RAD51B: variants seen among roughly 807,000 people sequenced by gnomAD.
RAD51B encodes RAD51 paralog B, also known as DNA repair protein RAD51 homolog 2.
Under a neutral mutation model 42.2 loss-of-function variants are expected in RAD51B, and 38 were observed. That is an observed-to-expected ratio of 0.90 (90% CI 0.70 to 1.18). The LOEUF (loss-of-function observed/expected upper bound fraction) is 1.18. Ranked by LOEUF, RAD51B falls within the 50% of genes most tolerant of loss-of-function variation. The pLI is 0.00. For missense variants in RAD51B, 373 were observed against 400.7 expected, an observed-to-expected ratio of 0.93 and a Z score of 0.59; for synonymous variants, 154 against 145.2, an observed-to-expected ratio of 1.06 and a Z score of -0.43.
intron 7 of RAD51B, among the ~76,000 whole-genome samples, chr14:68,091,567 TG>T (rs2077099954): frequency 6.6e-6 from 1 of 152,236 alleles, no homozygotes; most frequent in Non-Finnish European, 1.5e-5. Flanking sequence ...CTTGTAAATT[TG>T]TTTGAGTTCA....
intron 10 of RAD51B, among the ~76,000 whole-genome samples, chr14:68,578,533 A>AATTAGTAT (rs1890067760): frequency 6.6e-6 from 1 of 152,208 alleles, no homozygotes; most frequent in African/African-American, 2.4e-5. Context: ...CTTCCTATGC[A>AATTAGTAT]ATTAGTATAA....
At chr14:67,912,860 C>A (rs1280336498) in intron 7 of RAD51B, among the ~76,000 whole-genome samples, 1 of 152,056 alleles carries the variant, frequency 6.6e-6, no homozygotes, top group Non-Finnish European at 1.5e-5. Context: ...TGCCTGCCAC[C>A]ATGCCCGGCT....
In RAD51B at chr14:68,444,440, T is replaced by TTGTG. The variant is rs3837661; in HGVS notation, c.958-23704_958-23701dup. ...TTCCACAGGTGGAAAGAATTGTGAA[T>TTGTG]TGTGTGTGTGTGTGTGTGTGTGTGT... On this transcript the variant is annotated intron_variant, in intron 9 of 10. Coordinates refer to ENST00000471583, the MANE Select transcript of RAD51B (RefSeq NM_133510.4). Among the ~76,000 whole-genome samples, 165 of 150,270 alleles carry TTGTG rather than the reference T, an allele frequency of 1.1e-3. 1 individual carries two copies. The Middle Eastern group carries it at 0.02, about 19-fold the overall frequency.
Position 68,315,654 on chromosome 14 carries a change from T to C in RAD51B, c.853+23674T>C, listed in dbSNP as rs369833546. On this transcript the variant is annotated intron_variant, in intron 8 of 10. Transcript: ENST00000471583. ...CTCCTGCCTCAGCCTCCCGAGTAGC[T>C]GGGACTACAGGTGCCCGCCACCACG... Among the ~76,000 whole-genome samples the C allele has an allele frequency of 3.9e-5, 6 of 152,264 alleles. No individual in the cohort carries two copies. The East Asian group carries it at 7.7e-4, about 20-fold the overall frequency.
intron 7 of RAD51B, among the ~76,000 whole-genome samples, chr14:67,893,510 A>ACAC (rs1491471305): frequency 1.9e-5 from 1 of 53,882 alleles, no homozygotes; most frequent in African/African-American, 8.3e-5. Context: ...ACACACACAC[A>ACAC]AAAAAAAACA....
At chr14:68,384,586 C>T (rs1484936258) in intron 8 of RAD51B, among the ~76,000 whole-genome samples, 6 of 152,210 alleles carry the variant, frequency 3.9e-5, no homozygotes, top group Non-Finnish European at 7.3e-5. Flanking sequence ...GTAGCAGCGC[C>T]TCTCTCCACT....
chr14:68,316,186 C>T (rs960885197), intron 8 of RAD51B, among the ~76,000 whole-genome samples: 1 of 152,188 alleles, frequency 6.6e-6, no homozygotes, highest in Non-Finnish European at 1.5e-5. Flanking sequence ...CTCCAAGATA[C>T]TGCCTAGAGC....
intron 8 of RAD51B, among the ~76,000 whole-genome samples, chr14:68,356,199 G>A (rs546584036): frequency 1.2e-4 from 18 of 152,300 alleles, no homozygotes; most frequent in African/African-American, 4.1e-4. Context: ...TTGGGAGGCC[G>A]AGGTGGGCGG....
At chr14:68,664,294 A>G (rs1892990872) in intron 11 of RAD51B, among the ~76,000 whole-genome samples, 1 of 152,142 alleles carries the variant, frequency 6.6e-6, no homozygotes, top group South Asian at 2.1e-4. Context: ...CCAACCACCA[A>G]GGATGATTCC....
At chr14:68,567,651 C>G (rs935079697) in intron 10 of RAD51B, among the ~76,000 whole-genome samples, 9 of 152,198 alleles carry the variant, frequency 5.9e-5, no homozygotes, top group Admixed American at 3.3e-4. Context: ...TGTATACCTA[C>G]TTTTTATCAT....
intron 8 of RAD51B, among the ~76,000 whole-genome samples, chr14:68,345,891 C>T (rs2082668025): frequency 6.6e-6 from 1 of 152,328 alleles, no homozygotes; most frequent in Admixed American, 6.5e-5. Flanking sequence ...AACTCCTGAC[C>T]TCAAGTGATT....
At chr14:68,166,168 C>CTT (rs71129871) in intron 7 of RAD51B, among the ~76,000 whole-genome samples, 6,093 of 131,986 alleles carry the variant, frequency 0.046, 314 homozygotes, top group African/African-American at 0.12. Context: ...TATTTCTGCT[C>CTT]TTTTTTTTTT....
At chr14:68,179,831 G>A (rs1202474216) in intron 7 of RAD51B, among the ~76,000 whole-genome samples, 1 of 152,098 alleles carries the variant, frequency 6.6e-6, no homozygotes, top group Non-Finnish European at 1.5e-5. Flanking sequence ...ACATCTTTCA[G>A]GGCATCACAC....
chr14:67,919,792 C>T (rs1337390348), intron 7 of RAD51B, among the ~76,000 whole-genome samples: 1 of 152,140 alleles, frequency 6.6e-6, no homozygotes. Context: ...AATACTTTTT[C>T]TCCCCTTCAG....
In RAD51B at chr14:68,223,698, A is replaced by G. The variant is rs575066758; in HGVS notation, c.757-68186A>G. 4.1e-5 allele frequency among the ~76,000 whole-genome samples: 6 copies of G among 146,484 alleles called. No homozygotes were observed. In the South Asian group the frequency reaches 1.1e-3, roughly 26 times the overall value. On this transcript the variant is annotated intron_variant, in intron 7 of 10. Transcript: ENST00000471583. ...TTTTTAAAATATTTTTTAAAAGGAA[A>G]GAAAAGAAAATCCTACCTTATGAAA... is the stretch of plus-strand genomic sequence containing the variant.
At chr14:67,848,405 G>A (rs1173220925) in intron 4 of RAD51B, among the ~76,000 whole-genome samples, 1 of 152,100 alleles carries the variant, frequency 6.6e-6, no homozygotes, top group Non-Finnish European at 1.5e-5. Context: ...TATAAGAATA[G>A]TGACTTCTGC....
chr14:68,500,366 A>G (rs1402013854), intron 10 of RAD51B, among the ~76,000 whole-genome samples: 4 of 152,246 alleles, frequency 2.6e-5, no homozygotes, highest in Non-Finnish European at 4.4e-5. Context: ...AATCTGCTCA[A>G]GGTCATTTGG....
chr14:68,484,506 C>T (rs1883472388), intron 10 of RAD51B, among the ~76,000 whole-genome samples: 2 of 151,916 alleles, frequency 1.3e-5, no homozygotes, highest in South Asian at 2.1e-4. Context: ...TACAGGCGCC[C>T]ACCACCACGC....
chr14:68,107,119 G>A (rs1038073275), intron 7 of RAD51B, among the ~76,000 whole-genome samples: 1 of 151,738 alleles, frequency 6.6e-6, no homozygotes, highest in Non-Finnish European at 1.5e-5. Flanking sequence ...TTCAGGACTG[G>A]TATAAACATG....
Sources: gnomAD v4.1 joint callset for allele counts (sites outside exome capture counted in the v4.1 genomes callset) on GRCh38, gnomAD v4.1.1 for gene constraint, MANE v1.5 for transcripts, NCBI Gene and HGNC (gene_info 2026-07-23, HGNC 2026-07-21) for gene names.